ATXN1: variants seen among roughly 807,000 people sequenced by gnomAD.
The protein encoded by ATXN1 is ataxin 1.
In ATXN1, 8 loss-of-function variants were observed where a neutral mutation model predicts 56.4. That is an observed-to-expected ratio of 0.14 (90% CI 0.08 to 0.26). ATXN1 has a LOEUF of 0.26. Among genes scored for constraint, ATXN1 ranks in the 10% least tolerant of loss-of-function variants. The pLI, the probability that ATXN1 is intolerant of heterozygous loss-of-function variation, is 1.00. For missense variants in ATXN1, 987 were observed against 1,106.5 expected (o/e 0.89, Z 1.53); for synonymous variants, 514 against 494.6 (o/e 1.04, Z -0.52).
chr6:16,426,934 C>G (rs1296091151), intron 6 of ATXN1, among the ~76,000 whole-genome samples: 1 of 151,662 alleles, frequency 6.6e-6, no homozygotes, highest in Non-Finnish European at 1.5e-5. Context: ...AGAAAATAAT[C>G]TGCCAGCAGA....
chr6:16,561,086 T>G (rs939842781), intron 4 of ATXN1, among the ~76,000 whole-genome samples: 5 of 152,122 alleles, frequency 3.3e-5, no homozygotes, highest in African/African-American at 1.2e-4. Context: ...TTATGAAATA[T>G]TCTATAAAAG....
intron 4 of ATXN1, among the ~76,000 whole-genome samples, chr6:16,560,050 T>C (rs539651003): frequency 1.3e-5 from 2 of 152,080 alleles, no homozygotes; most frequent in Non-Finnish European, 2.9e-5. Flanking sequence ...CCATTCAAAT[T>C]TGCCCTCTGT....
At chr6:16,627,861 G>T (rs947670950) in intron 3 of ATXN1, among the ~76,000 whole-genome samples, 2 of 152,132 alleles carry the variant, frequency 1.3e-5, no homozygotes, top group African/African-American at 4.8e-5. Context: ...GCAATAAGTC[G>T]AAGCAACATG....
At chr6:16,757,573 T>TA (rs373833872) in intron 1 of ATXN1, among the ~76,000 whole-genome samples, 1 of 152,122 alleles carries the variant, frequency 6.6e-6, no homozygotes, top group African/African-American at 2.4e-5. Context: ...CACAAAACGG[T>TA]AAAAACTCAT....
At chr6:16,639,075 G>A (rs1271761230) in intron 3 of ATXN1, among the ~76,000 whole-genome samples, 1 of 152,128 alleles carries the variant, frequency 6.6e-6, no homozygotes, top group Non-Finnish European at 1.5e-5. Flanking sequence ...TTTGTAAAAT[G>A]GACCAATCAG....
chr6:16,421,874 A>G (rs1055259530), intron 6 of ATXN1, among the ~76,000 whole-genome samples: 8 of 152,316 alleles, frequency 5.3e-5, no homozygotes, highest in African/African-American at 1.7e-4. Context: ...CAGGGGCAAT[A>G]TGGAAAAAAA....
intron 4 of ATXN1, among the ~76,000 whole-genome samples, chr6:16,551,864 C>T (rs1171291630): frequency 6.6e-6 from 1 of 152,106 alleles, no homozygotes; most frequent in African/African-American, 2.4e-5. Flanking sequence ...TTGACATTTC[C>T]CTTGAAAACA....
At chr6:16,428,286 T>A (rs182849383) in intron 6 of ATXN1, among the ~76,000 whole-genome samples, 1 of 151,914 alleles carries the variant, frequency 6.6e-6, no homozygotes, top group Admixed American at 6.6e-5. Context: ...GCCCAGCACA[T>A]TTTTGTGTTT....
At chr6:16,415,891 C>T (rs1441711380) in intron 6 of ATXN1, among the ~76,000 whole-genome samples, 1 of 152,140 alleles carries the variant, frequency 6.6e-6, no homozygotes, top group African/African-American at 2.4e-5. Flanking sequence ...TCCTCCGCGC[C>T]TCTGCTGGGA....
chr6:16,459,004 C>A (rs891394800), intron 6 of ATXN1, among the ~76,000 whole-genome samples: 1 of 152,218 alleles, frequency 6.6e-6, no homozygotes, highest in Non-Finnish European at 1.5e-5. Context: ...TCTCCTGCCC[C>A]AGACAGCTGT....
chr6:16,404,740 T>C (rs1758651966), intron 6 of ATXN1, among the ~76,000 whole-genome samples: 1 of 152,234 alleles, frequency 6.6e-6, no homozygotes, highest in South Asian at 2.1e-4. Flanking sequence ...GTTAGTTTTC[T>C]GGGTCATTTC....
At chr6:16,581,193 C>A (rs1157241986) in intron 4 of ATXN1, among the ~76,000 whole-genome samples, 1 of 131,914 alleles carries the variant, frequency 7.6e-6, no homozygotes, top group Non-Finnish European at 1.6e-5. Context: ...TTCGAGAATG[C>A]ACTGTGTGTG....
At chr6:16,593,331 G>C in intron 3 of ATXN1, among the ~76,000 whole-genome samples, 1 of 152,042 alleles carries the variant, frequency 6.6e-6, no homozygotes, top group East Asian at 1.9e-4. Flanking sequence ...CCCCTCCCTG[G>C]GGACTATGGA....
chr6:16,575,076 G>C (rs369146357), intron 4 of ATXN1, among the ~76,000 whole-genome samples: 1 of 152,082 alleles, frequency 6.6e-6, no homozygotes, highest in Non-Finnish European at 1.5e-5. Flanking sequence ...TGGGACACAC[G>C]ATGTCAATAT....
intron 3 of ATXN1, among the ~76,000 whole-genome samples, chr6:16,604,403 G>A (rs1762965096): frequency 6.6e-6 from 1 of 151,778 alleles, no homozygotes; most frequent in Non-Finnish European, 1.5e-5. Context: ...GACTGAGGTG[G>A]TAGGACCATT....
intron 2 of ATXN1, among the ~76,000 whole-genome samples, chr6:16,706,389 T>C (rs1759406106): frequency 6.6e-6 from 1 of 151,776 alleles, no homozygotes; most frequent in Non-Finnish European, 1.5e-5. Flanking sequence ...TAATGAAGAA[T>C]GGAGAAAGAG....
At chr6:16,526,064 T>TATATATATATACATACAC (rs370698828) in intron 4 of ATXN1, among the ~76,000 whole-genome samples, 4 of 133,312 alleles carry the variant, frequency 3.0e-5, no homozygotes, top group African/African-American at 9.2e-5. Flanking sequence ...TATATATATA[T>TATATATATATACATACAC]ACATACATAC....
intron 3 of ATXN1, among the ~76,000 whole-genome samples, chr6:16,588,180 C>G (rs2113767706): frequency 6.6e-6 from 1 of 152,278 alleles, no homozygotes; most frequent in African/African-American, 2.4e-5. Flanking sequence ...CTCCGCTCCT[C>G]TCCGGCACCA....
At chr6:16,661,344 A>G (rs1401261691) in intron 2 of ATXN1, among the ~76,000 whole-genome samples, 5 of 152,116 alleles carry the variant, frequency 3.3e-5, no homozygotes, top group Admixed American at 3.3e-4. Flanking sequence ...TATAAGCATG[A>G]AAGGCCTTGT....
Sources: gnomAD v4.1 joint callset for allele counts (sites outside exome capture counted in the v4.1 genomes callset) on GRCh38, gnomAD v4.1.1 for gene constraint, MANE v1.5 for transcripts, NCBI Gene and HGNC (gene_info 2026-07-23, HGNC 2026-07-21) for gene names.